Variants in SETBP1 observed in about 807,000 individuals in gnomAD.
SETBP1 encodes SET-binding protein.
In SETBP1, 9 loss-of-function variants were observed where a neutral mutation model predicts 101.0. The ratio of observed to expected loss-of-function variants is 0.09; its 90% CI spans 0.05 to 0.16. The LOEUF is 0.16. Among genes scored for constraint, SETBP1 ranks in the 10% least tolerant of loss-of-function variants. The pLI, the probability that SETBP1 is intolerant of heterozygous loss-of-function variation, is 1.00. For synonymous variants in SETBP1, 818 were observed against 788.5 expected, an observed-to-expected ratio of 1.04 and a Z score of -0.63; for missense variants, 1,858 against 2,033.8, an observed-to-expected ratio of 0.91 and a Z score of 1.66.
chr18:44,892,503 A>C (rs368345726), intron 3 of SETBP1, among the ~76,000 whole-genome samples: 1 of 152,158 alleles, frequency 6.6e-6, no homozygotes, highest in African/African-American at 2.4e-5. Context: ...TAGCTCTAAA[A>C]TAGGTTGTGA....
intron 3 of SETBP1, among the ~76,000 whole-genome samples, chr18:44,908,828 GC>G (rs1434037844): frequency 6.6e-6 from 1 of 152,120 alleles, no homozygotes; most frequent in Non-Finnish European, 1.5e-5. Flanking sequence ...TACTTGTGAA[GC>G]CCCCCAAAAT....
chr18:44,815,376 A>G (rs1368494523), intron 2 of SETBP1, among the ~76,000 whole-genome samples: 1 of 152,254 alleles, frequency 6.6e-6, no homozygotes, highest in East Asian at 1.9e-4. Flanking sequence ...GGATTTGAAG[A>G]GGAGGCTGTA....
intron 5 of SETBP1, among the ~76,000 whole-genome samples, chr18:45,062,571 A>G (rs2073906566): frequency 6.6e-6 from 1 of 152,212 alleles, no homozygotes; most frequent in African/African-American, 2.4e-5. Context: ...TATGAGATCG[A>G]TAGTACATCT....
chr18:44,829,201 C>T (rs150663418), intron 2 of SETBP1, among the ~76,000 whole-genome samples: 1 of 151,540 alleles, frequency 6.6e-6, no homozygotes, highest in Non-Finnish European at 1.5e-5. Context: ...TTTCTGAATC[C>T]GCAGATTAGA....
At chr18:44,767,404 C>A (rs566055107) in intron 2 of SETBP1, among the ~76,000 whole-genome samples, 2 of 152,334 alleles carry the variant, frequency 1.3e-5, no homozygotes, top group African/African-American at 4.8e-5. Flanking sequence ...TGGGCACAGA[C>A]CAACTTATTA....
In SETBP1 at chr18:44,701,250, T is replaced by G; in HGVS notation, c.-97T>G. ...ATCTGACCCTAGCAACTGGACCACT[T>G]TGTTCTTGGAATTTTGGGTGTCCTC... On this transcript the variant is annotated 5_prime_UTR_variant, in exon 2 of 6. Coordinates refer to ENST00000649279, the MANE Select transcript of SETBP1 (RefSeq NM_015559.3). 2 of 1,377,778 alleles carry G rather than the reference T, an allele frequency of 1.5e-6. No individual in the cohort carries two copies. The highest frequency in any genetic ancestry group is 9.6e-7 in the Non-Finnish European group (1 of 1,036,870). The allele number at this position is 1,377,778 out of a possible 1,614,324, so 85.3% of individuals were successfully genotyped here.
chr18:45,042,705 AT>A (rs948527510), intron 5 of SETBP1, among the ~76,000 whole-genome samples: 37 of 152,032 alleles, frequency 2.4e-4, no homozygotes, highest in Non-Finnish European at 4.4e-4. Flanking sequence ...GTTTCAGGCA[AT>A]TTTTTTACCT....
At chr18:44,736,115 T>C (rs771936642) in intron 2 of SETBP1, among the ~76,000 whole-genome samples, 8 of 152,200 alleles carry the variant, frequency 5.3e-5, no homozygotes, top group Non-Finnish European at 1.0e-4. Context: ...CTGGGCATAG[T>C]GGCTCATGCC....
chr18:44,905,353 C>T (rs569702031), intron 3 of SETBP1, among the ~76,000 whole-genome samples: 1 of 152,186 alleles, frequency 6.6e-6, no homozygotes, highest in African/African-American at 2.4e-5. Context: ...CTGACTTTTT[C>T]TGGAGGGTTA....
chr18:44,876,236 T>C (rs1418453212), intron 3 of SETBP1, among the ~76,000 whole-genome samples: 1 of 152,126 alleles, frequency 6.6e-6, no homozygotes, highest in Admixed American at 6.5e-5. Flanking sequence ...ACAGGTTGCT[T>C]GTTTTGATTT....
Position 44,926,568 on chromosome 18 carries a change from A to T in SETBP1, c.541-23313A>T, listed in dbSNP as rs562518717. On this transcript the variant is annotated intron_variant, in intron 3 of 5. Transcript: ENST00000649279. ...CAGGGAATTTCTGAATGCCATTCCCAGAAGTGCCTATCCCAAAACATGGTT... is the reference window on the plus strand; with the variant it reads ...CAGGGAATTTCTGAATGCCATTCCCTGAAGTGCCTATCCCAAAACATGGTT... Among the ~76,000 whole-genome samples, 9 of 152,244 alleles carry T rather than the reference A, an allele frequency of 5.9e-5. No individual in the cohort carries two copies. In the South Asian group the frequency reaches 1.9e-3, roughly 32 times the overall value.
chr18:44,752,170 T>C (rs750373720), intron 2 of SETBP1, among the ~76,000 whole-genome samples: 5 of 152,124 alleles, frequency 3.3e-5, no homozygotes, highest in Non-Finnish European at 7.4e-5. Flanking sequence ...CAATCCACGT[T>C]TGTATATTTG....
At chr18:44,721,217 C>T (rs2144336098) in intron 2 of SETBP1, among the ~76,000 whole-genome samples, 1 of 152,250 alleles carries the variant, frequency 6.6e-6, no homozygotes, top group Middle Eastern at 3.4e-3. Flanking sequence ...AAGCATCTTA[C>T]TGACACTTAT....
At position 44,701,343 on chromosome 18, in the gene SETBP1, T is replaced by A; in HGVS notation, c.-4T>A. ...GAGAACTCCGGAAGACTGTAGAGAT[T>A]GTCATGGAGTCCAGGGAAACCTTAA... On this transcript the variant is annotated 5_prime_UTR_variant, in exon 2 of 6. Coordinates refer to ENST00000649279, the MANE Select transcript of SETBP1 (RefSeq NM_015559.3). 1 of 1,484,528 alleles carries A rather than the reference T, an allele frequency of 6.7e-7. No homozygotes were observed. The highest frequency in any genetic ancestry group is 9.0e-7 in the Non-Finnish European group (1 of 1,115,168). 92.0% of individuals were successfully genotyped at this position (1,484,528 alleles called of 1,614,324 possible).
At chr18:44,703,918 CA>C (rs1351068742) in intron 2 of SETBP1, among the ~76,000 whole-genome samples, 1 of 152,084 alleles carries the variant, frequency 6.6e-6, no homozygotes, top group Non-Finnish European at 1.5e-5. Context: ...TGTTTCTGGC[CA>C]TTGAGTTGGC....
chr18:44,814,081 T>A (rs1302115781), intron 2 of SETBP1, among the ~76,000 whole-genome samples: 2 of 152,092 alleles, frequency 1.3e-5, no homozygotes, highest in African/African-American at 2.4e-5. Context: ...AACCTGAGAA[T>A]GTGATCTATA....
At chr18:44,778,286 A>AG (rs926310157) in intron 2 of SETBP1, among the ~76,000 whole-genome samples, 5 of 152,116 alleles carry the variant, frequency 3.3e-5, no homozygotes, top group Non-Finnish European at 5.9e-5. Context: ...TTCTCAGCCT[A>AG]GGGGGGCCTA....
At chr18:44,906,421 A>G (rs1429525065) in intron 3 of SETBP1, among the ~76,000 whole-genome samples, 1 of 152,222 alleles carries the variant, frequency 6.6e-6, no homozygotes, top group Non-Finnish European at 1.5e-5. Context: ...TGAGAATCAA[A>G]GGGAGAAAAT....
At chr18:45,009,796 C>T (rs1191816689) in intron 4 of SETBP1, among the ~76,000 whole-genome samples, 1 of 152,170 alleles carries the variant, frequency 6.6e-6, no homozygotes, top group African/African-American at 2.4e-5. Context: ...CATACCATGC[C>T]TGTTCTGGAG....
Sources: allele counts gnomAD v4.1 joint callset (sites outside exome capture counted in the v4.1 genomes callset), GRCh38; gene constraint gnomAD v4.1.1; transcripts MANE v1.5; gene names NCBI Gene and HGNC (gene_info 2026-07-23, HGNC 2026-07-21).